SLC39A11: variants seen among roughly 807,000 people sequenced by gnomAD.
SLC39A11 encodes the protein solute carrier family 39 member 11.
SLC39A11 carries 33 observed loss-of-function variants against 36.1 expected under a neutral mutation model. The ratio of observed to expected loss-of-function variants is 0.91; its 90% CI spans 0.69 to 1.22. The LOEUF (loss-of-function observed/expected upper bound fraction) is 1.22. Among genes scored for constraint, SLC39A11 ranks in the 50% most tolerant of loss-of-function variants. The probability of loss-of-function intolerance (pLI) is 0.00; values close to 1 mark genes in which losing one functional copy is unlikely to be tolerated. For missense variants in SLC39A11, 432 were observed against 430.3 expected, an observed-to-expected ratio of 1.00 and a Z score of -0.03; for synonymous variants, 166 against 170.3, an observed-to-expected ratio of 0.97 and a Z score of 0.20.
At chr17:72,912,937 C>CA (rs1250921645) in intron 5 of SLC39A11, among the ~76,000 whole-genome samples, 1 of 152,136 alleles carries the variant, frequency 6.6e-6, no homozygotes, top group Non-Finnish European at 1.5e-5. Flanking sequence ...AGCTGAACCC[C>CA]AAGAGCTTTC....
chr17:72,860,117 G>A (rs1475957706), intron 5 of SLC39A11, among the ~76,000 whole-genome samples: 1 of 151,664 alleles, frequency 6.6e-6, no homozygotes, highest in Non-Finnish European at 1.5e-5. Context: ...GGTTTGAGTT[G>A]AAGGTGGGTA....
At chr17:73,078,162 C>T (rs912827345) in intron 3 of SLC39A11, among the ~76,000 whole-genome samples, 15 of 150,062 alleles carry the variant, frequency 1.0e-4, no homozygotes, top group African/African-American at 1.5e-4. Context: ...GGCATGAACC[C>T]GGGAGGCGGA....
chr17:72,739,398 A>G (rs1221009819), intron 6 of SLC39A11, among the ~76,000 whole-genome samples: 1 of 152,208 alleles, frequency 6.6e-6, no homozygotes, highest in Non-Finnish European at 1.5e-5. Context: ...AAGTGCTGGG[A>G]TTACAGGCAT....
At chr17:72,729,313 T>C (rs1199368452) in intron 7 of SLC39A11, among the ~76,000 whole-genome samples, 1 of 145,308 alleles carries the variant, frequency 6.9e-6, no homozygotes, top group Non-Finnish European at 1.5e-5. Flanking sequence ...CACGGCTTAC[T>C]GCAGCCTCAA....
chr17:72,667,001 T>G (rs1334240285), intron 7 of SLC39A11, among the ~76,000 whole-genome samples: 2 of 152,186 alleles, frequency 1.3e-5, no homozygotes, highest in African/African-American at 4.8e-5. Flanking sequence ...GAGCTGATAA[T>G]GTCCAGGGCT....
chr17:72,673,958 C>A (rs886533372), intron 7 of SLC39A11, among the ~76,000 whole-genome samples: 1 of 152,074 alleles, frequency 6.6e-6, no homozygotes, highest in African/African-American at 2.4e-5. Context: ...ATCCCAGCTA[C>A]TTGGGAGGCT....
chr17:73,065,902 C>A (rs116436012), intron 3 of SLC39A11, among the ~76,000 whole-genome samples: 3 of 152,108 alleles, frequency 2.0e-5, no homozygotes, highest in African/African-American at 7.2e-5. Flanking sequence ...AGAGGCAGGA[C>A]GGAGAAAACA....
Position 72,856,742 on chromosome 17 carries a change from G to A in SLC39A11, c.431-6938C>T, listed in dbSNP as rs541496130. ...GTCACCCAGGCTGGAATGCAGTGGC[G>A]CAATCTCGGTTCACTGTAACACCCG... is the stretch of plus-strand genomic sequence containing the variant. On this transcript the variant is annotated intron_variant, in intron 5 of 9. Coordinates refer to ENST00000255559, the MANE Select transcript of SLC39A11 (RefSeq NM_139177.4). Among the ~76,000 whole-genome samples, 174 of 151,860 alleles carry A rather than the reference G, an allele frequency of 1.1e-3. 1 individual carries two copies. Among genetic ancestry groups the A allele is most frequent in the Middle Eastern group, 3.4e-3 (1 of 294 alleles).
Position 72,771,048 on chromosome 17 carries a change from A to G in SLC39A11, c.602-34329T>C, listed in dbSNP as rs1345278163. On this transcript the variant is annotated intron_variant, in intron 6 of 9. Transcript: ENST00000255559. ...TAGCATTTACGACATGCCAGGTACC[A>G]TTTCTATACTTTTTTTTTTTTTTAT... Among the ~76,000 whole-genome samples, 3 of 146,016 alleles carry G rather than the reference A, an allele frequency of 2.1e-5. No homozygotes were observed. In the East Asian group the frequency reaches 6.3e-4, roughly 31 times the overall value.
At chr17:72,722,637 T>G (rs1239597395) in intron 7 of SLC39A11, among the ~76,000 whole-genome samples, 3 of 135,710 alleles carry the variant, frequency 2.2e-5, no homozygotes, top group African/African-American at 1.1e-4. Flanking sequence ...AAATAACACT[T>G]TTTTTTTTCT....
In SLC39A11 at chr17:72,949,144, C is replaced by CTTTTTTTTTTTTTTTTTTTTTTTT. The variant is rs56036208; in HGVS notation, c.307-1293_307-1270dup. ...AAATAAAATACCATACACTGGGCAGCTTTTTTTTTTTTTTTTTTTTTTTTT... is the reference window on the plus strand; with the variant it reads ...AAATAAAATACCATACACTGGGCAGCTTTTTTTTTTTTTTTTTTTTTTTTTTTTTTTTTTTTTTTTTTTTTTTTT... On this transcript the variant is annotated intron_variant, in intron 4 of 9. Coordinates refer to ENST00000255559, the MANE Select transcript of SLC39A11 (RefSeq NM_139177.4). 6.0e-4 allele frequency among the ~76,000 whole-genome samples: 22 copies of CTTTTTTTTTTTTTTTTTTTTTTTT among 36,508 alleles called. 8 individuals are homozygous for CTTTTTTTTTTTTTTTTTTTTTTTT. The highest frequency in any genetic ancestry group is 1.0e-3 in the Non-Finnish European group (19 of 18,636). The allele number at this position is 36,508 out of a possible 152,430, so 24.0% of individuals were successfully genotyped here.
intron 7 of SLC39A11, among the ~76,000 whole-genome samples, chr17:72,717,123 T>G (rs1247843384): frequency 1.4e-5 from 2 of 147,934 alleles, no homozygotes; most frequent in East Asian, 3.9e-4. Context: ...TATATGTATA[T>G]ATGTATATAC....
chr17:72,725,751 C>T (rs2073902643), intron 7 of SLC39A11: 1 of 152,166 alleles, frequency 6.6e-6, no homozygotes, highest in African/African-American at 2.4e-5. Flanking sequence ...CAGGATGAGC[C>T]AGGAAAACTG....
chr17:72,702,376 G>A (rs1204204946), intron 7 of SLC39A11, among the ~76,000 whole-genome samples: 2 of 152,162 alleles, frequency 1.3e-5, no homozygotes, highest in East Asian at 1.9e-4. Flanking sequence ...GGAACAGTGG[G>A]CAATGTCTGC....
At chr17:73,004,220 AAAG>A (rs766652587) in intron 4 of SLC39A11, among the ~76,000 whole-genome samples, 8,729 of 84,202 alleles carry the variant, frequency 0.1, 913 homozygotes, top group Non-Finnish European at 0.11. Context: ...AGAAAGAAAG[AAAG>A]AAAGAAAGAA....
At chr17:72,838,767 C>A (rs2078681263) in intron 6 of SLC39A11, among the ~76,000 whole-genome samples, 1 of 152,244 alleles carries the variant, frequency 6.6e-6, no homozygotes, top group Middle Eastern at 3.4e-3. Context: ...AAATATGCCA[C>A]TGACCTTGAG....
Position 73,070,806 on chromosome 17 carries a change from C to T in SLC39A11, c.147+14002G>A, listed in dbSNP as rs1034926306. Among the ~76,000 whole-genome samples the T allele has an allele frequency of 2.0e-5, 3 of 152,318 alleles. 1 individual carries two copies. The highest frequency in any genetic ancestry group is 2.0e-4 in the Admixed American group (3 of 15,304). On this transcript the variant is annotated intron_variant, in intron 3 of 9. Coordinates refer to ENST00000255559, the MANE Select transcript of SLC39A11 (RefSeq NM_139177.4). ...AGTTTCCCTGCACAAGCTCTCTTCTCTTGTCTGCCGCCATGTCAGACATGC... is the reference window on the plus strand; with the variant it reads ...AGTTTCCCTGCACAAGCTCTCTTCTTTTGTCTGCCGCCATGTCAGACATGC...
chr17:72,861,740 T>TTTTATATATA (rs1315718643), intron 5 of SLC39A11, among the ~76,000 whole-genome samples: 1 of 67,346 alleles, frequency 1.5e-5, no homozygotes, highest in African/African-American at 5.0e-5. Context: ...ACATTGGAGA[T>TTTTATATATA]TATATATATA....
Position 73,024,562 on chromosome 17 carries a change from A to C in SLC39A11, c.306+6994T>G, listed in dbSNP as rs555399308. 3.3e-5 allele frequency among the ~76,000 whole-genome samples: 5 copies of C among 152,356 alleles called. No homozygotes were observed. The East Asian group carries it at 9.6e-4, about 29-fold the overall frequency. On this transcript the variant is annotated intron_variant, in intron 4 of 9. Coordinates refer to ENST00000255559, the MANE Select transcript of SLC39A11 (RefSeq NM_139177.4). ...TGCTAAAGATGAAGGAAATCTACGA[A>C]GGAGAAATAAATACATGCAAACACA...
Sources: allele counts gnomAD v4.1 joint callset (sites outside exome capture counted in the v4.1 genomes callset), GRCh38; gene constraint gnomAD v4.1.1; transcripts MANE v1.5; gene names NCBI Gene and HGNC (gene_info 2026-07-23, HGNC 2026-07-21).